The following SHCBP1 variants were observed in gnomAD, a reference collection of about 807,000 sequenced individuals.
The protein encoded by SHCBP1 is SHC SH2 domain-binding protein 1.
SHCBP1 carries 60 observed loss-of-function variants against 75.1 expected under a neutral mutation model. The ratio of observed to expected loss-of-function variants is 0.80; its 90% CI spans 0.65 to 0.99. The LOEUF (loss-of-function observed/expected upper bound fraction) is 0.99, where lower values mean the gene tolerates loss of function less well. Ranked by LOEUF, SHCBP1 falls within the 50% of genes least tolerant of loss-of-function variation. The pLI is 0.00. For synonymous variants in SHCBP1, 290 were observed against 293.2 expected (o/e 0.99, Z 0.11); for missense variants, 709 against 809.4 (o/e 0.88, Z 1.50).
rs1175796484 is a variant in SHCBP1, at chr16:46,581,738, A to C, written c.2010T>G (p.Phe670Leu). The change falls in exon 13 of 13, where the codon TTT (phenylalanine) becomes TTG (leucine). Residue 670 changes from phenylalanine (F) to leucine (L), a missense_variant. Phe to Leu is a conservative substitution (Grantham distance 22, BLOSUM62 0). Coordinates refer to ENST00000303383, the MANE Select transcript of SHCBP1 (RefSeq NM_024745.5). ...KWNGKGSFGTFLF is the reference protein window; with the variant it reads ...KWNGKGSFGTLLF ...ACTTACATCACTGTAGTCAGAAAAG[A>C]AATGTGCCAAAACTACCTTTCCCAT... 6.2e-7 allele frequency: 1 copy of C among 1,612,692 alleles called. No homozygotes were observed. The highest frequency in any genetic ancestry group is 8.5e-7 in the Non-Finnish European group (1 of 1,179,040).
chr16:46,587,260 T>A (rs1007383173), intron 10 of SHCBP1, among the ~76,000 whole-genome samples: 1 of 152,086 alleles, frequency 6.6e-6, no homozygotes, highest in African/African-American at 2.4e-5. Flanking sequence ...ACATATAATA[T>A]ACAACCTAGG....
intron 5 of SHCBP1, 149 bp from the exon 6 acceptor site, chr16:46,604,610 T>C (rs562475057): frequency 3.5e-6 from 2 of 571,698 alleles, no homozygotes; most frequent in South Asian, 2.5e-5. Flanking sequence ...AGCACTGTAA[T>C]AATAATAATA....
intron 4 of SHCBP1, among the ~76,000 whole-genome samples, chr16:46,609,938 ACC>A (rs1265198928): frequency 6.8e-6 from 1 of 146,396 alleles, no homozygotes; most frequent in Non-Finnish European, 1.5e-5. Flanking sequence ...CTCCTCCCCC[ACC>A]ATCTTGATAT....
Position 46,615,520 on chromosome 16 carries a change from A to T in SHCBP1, c.596+426T>A, listed in dbSNP as rs537493828. Among the ~76,000 whole-genome samples, 9 of 152,296 alleles carry T rather than the reference A, an allele frequency of 5.9e-5. No homozygotes were observed. The South Asian group carries it at 1.9e-3, about 32-fold the overall frequency. On this transcript the variant is annotated intron_variant, in intron 4 of 12. Coordinates refer to ENST00000303383, the MANE Select transcript of SHCBP1 (RefSeq NM_024745.5). ...TTTGGGAGGCCAAGGCAGGTGGATC[A>T]CCTGAGGTCAAGAGTTCGAGACTGA...
intron 5 of SHCBP1, among the ~76,000 whole-genome samples, chr16:46,605,563 C>G (rs1965312695): frequency 6.6e-6 from 1 of 152,070 alleles, no homozygotes; most frequent in South Asian, 2.1e-4. Flanking sequence ...ACTCCGTACT[C>G]CAGCCTGGGC....
intron 8 of SHCBP1, 33 bp from the exon 9 acceptor site, chr16:46,599,995 G>A: frequency 6.2e-7 from 1 of 1,606,450 alleles, no homozygotes; most frequent in East Asian, 2.2e-5. Context: ...ACTCAAGATG[G>A]GTGAGGAAAA....
Position 46,583,535 on chromosome 16 carries a change from AT to A in SHCBP1, c.1673del (p.Asn558MetfsTer28). 1 of 1,599,104 alleles carries A rather than the reference AT, an allele frequency of 6.3e-7. No individual in the cohort carries two copies. Among genetic ancestry groups the A allele is most frequent in the Non-Finnish European group, 8.5e-7 (1 of 1,176,820 alleles). ...ATATACCTTCAGTTCCATCTTCAGC[AT>A]TTTCTTGCAGGTCAGAGAAGATTGT... is the stretch of plus-strand genomic sequence containing the variant. ...KPTIFSDLQE[N>X]AEDGTEENKA... is the part of the protein sequence containing the mutation. On this transcript the variant is annotated frameshift_variant, in exon 12 of 13. Coordinates refer to ENST00000303383, the MANE Select transcript of SHCBP1 (RefSeq NM_024745.5). LOFTEE classifies it high-confidence loss of function.
intron 10 of SHCBP1, among the ~76,000 whole-genome samples, chr16:46,586,613 A>G (rs988566845): frequency 6.6e-6 from 1 of 152,208 alleles, no homozygotes; most frequent in Non-Finnish European, 1.5e-5. Flanking sequence ...CAAGAAGCTG[A>G]GCAGACACCA....
intron 4 of SHCBP1, among the ~76,000 whole-genome samples, 192 bp from the exon 5 acceptor site, chr16:46,608,581 C>A (rs538111070): frequency 6.7e-6 from 1 of 149,022 alleles, no homozygotes; most frequent in African/African-American, 2.5e-5. Flanking sequence ...AGAGAAGTTT[C>A]TCCACACTGG....
chr16:46,618,181 A>T, intron 2 of SHCBP1, 24 bp downstream of exon 2: 1 of 1,573,436 alleles, frequency 6.4e-7, no homozygotes, highest in Non-Finnish European at 8.6e-7. Context: ...CATCTCAAAA[A>T]AAAAAAGCAA....
At chr16:46,609,442 CTTTTTTTTTTTTT>C (rs71158875) in intron 4 of SHCBP1, among the ~76,000 whole-genome samples, 7 of 61,334 alleles carry the variant, frequency 1.1e-4, no homozygotes, top group Non-Finnish European at 1.4e-4. Flanking sequence ...CTTTTCTTTT[CTTTTTTTTTTTTT>C]TTTTTTTTTT....
chr16:46,584,170 C>T (rs1315753019), intron 10 of SHCBP1, 81 bp from the exon 11 acceptor site: 1 of 982,548 alleles, frequency 1.0e-6, no homozygotes, highest in Non-Finnish European at 1.5e-6. Flanking sequence ...ACTTCTTAGC[C>T]TTTAACACAG....
chr16:46,618,035 G>A (rs535064045), intron 2 of SHCBP1, among the ~76,000 whole-genome samples, 170 bp downstream of exon 2: 179 of 152,298 alleles, frequency 1.2e-3, no homozygotes, highest in Admixed American at 1.8e-3. Context: ...AAATTATCTG[G>A]TGGTATGGCG....
chr16:46,607,531 C>A (rs1241923556), intron 5 of SHCBP1, among the ~76,000 whole-genome samples: 2 of 152,160 alleles, frequency 1.3e-5, no homozygotes, highest in East Asian at 3.8e-4. Context: ...ATCTTCTCAT[C>A]TCATCTTTCA....
chr16:46,614,169 A>T (rs1285377221), intron 4 of SHCBP1, among the ~76,000 whole-genome samples: 2 of 152,090 alleles, frequency 1.3e-5, no homozygotes, highest in African/African-American at 4.8e-5. Context: ...CCCAATACTG[A>T]ACATCTAGGG....
intron 8 of SHCBP1, among the ~76,000 whole-genome samples, chr16:46,602,541 A>T (rs1965257138): frequency 6.6e-6 from 1 of 152,096 alleles, no homozygotes; most frequent in Non-Finnish European, 1.5e-5. Flanking sequence ...TAAATTTGAC[A>T]TGTTATGAAA....
intron 10 of SHCBP1, among the ~76,000 whole-genome samples, chr16:46,586,191 C>T (rs920502895): frequency 2.4e-4 from 36 of 152,182 alleles, no homozygotes; most frequent in African/African-American, 7.5e-4. Flanking sequence ...TTTAAAGCAG[C>T]CATGATAAAA....
At chr16:46,603,510 G>C (rs373865131) in intron 8 of SHCBP1, 29 bp downstream of exon 8, 1 of 1,613,650 alleles carries the variant, frequency 6.2e-7, no homozygotes, top group African/African-American at 1.3e-5. Flanking sequence ...TCACGTGTGA[G>C]AGTTTGGTTG....
At chr16:46,597,715 G>C (rs1333549940) in intron 9 of SHCBP1, among the ~76,000 whole-genome samples, 1 of 152,146 alleles carries the variant, frequency 6.6e-6, no homozygotes, top group Non-Finnish European at 1.5e-5. Context: ...AATGAAGTTT[G>C]CCACATTGAT....
Sources: gnomAD v4.1 joint callset for allele counts (sites outside exome capture counted in the v4.1 genomes callset) on GRCh38, gnomAD v4.1.1 for gene constraint, MANE v1.5 for transcripts, NCBI Gene and HGNC (gene_info 2026-07-23, HGNC 2026-07-21) for gene names.